TSHB: variants seen among roughly 807,000 people sequenced by gnomAD.
TSHB encodes the protein thyrotropin subunit beta.
A neutral mutation model predicts 9.3 loss-of-function variants in TSHB; 9 were observed. The observed-to-expected ratio is 0.97, with a 90% CI of 0.58 to 1.69. The LOEUF is 1.69. TSHB is among the 40% of genes most tolerant of loss of function. TSHB has a pLI of 0.00. For synonymous variants in TSHB, 57 were observed against 57.2 expected, an observed-to-expected ratio of 1.00 and a Z score of 0.01; for missense variants, 182 against 168.5, an observed-to-expected ratio of 1.08 and a Z score of -0.44.
At chr1:115,031,718 C>T (rs1347853227) in intron 1 of TSHB, among the ~76,000 whole-genome samples, 1 of 151,952 alleles carries the variant, frequency 6.6e-6, no homozygotes, top group Non-Finnish European at 1.5e-5. Context: ...CTCTAAAATA[C>T]TGGAAGCAAC....
At chr1:115,033,661 G>A (rs1252390243) in intron 2 of TSHB, 137 bp downstream of exon 2, 2 of 870,222 alleles carry the variant, frequency 2.3e-6, no homozygotes, top group Non-Finnish European at 3.8e-6. Context: ...TAGAAGCAGA[G>A]TACACAGGTT....
Position 115,030,287 on chromosome 1 carries a change from T to C in TSHB, c.-2+427T>C, listed in dbSNP as rs144761711. The stretch of plus-strand genomic sequence containing the variant: ...CATTTTTGAGTACCTGCTGGGGTAA[T>C]GTACTCTGTATTATAAGTTCTTTTT... On this transcript the variant is annotated intron_variant, in intron 1 of 2. Transcript: ENST00000256592. 6.2e-3 allele frequency among the ~76,000 whole-genome samples: 944 copies of C among 152,182 alleles called. 9 individuals carry two copies. The highest frequency in any genetic ancestry group is 0.021 in the African/African-American group (888 of 41,562).
chr1:115,030,959 A>C (rs3754367), intron 1 of TSHB, among the ~76,000 whole-genome samples: 66,356 of 151,742 alleles, frequency 0.44, 14,981 homozygotes, highest in Non-Finnish European at 0.5. Flanking sequence ...TCAGTTGCAC[A>C]CAATTACAAT....
chr1:115,030,993 T>A (rs757960671), intron 1 of TSHB, among the ~76,000 whole-genome samples: 4 of 127,850 alleles, frequency 3.1e-5, no homozygotes, highest in Non-Finnish European at 5.3e-5. Context: ...AGAATTTAGA[T>A]CACTAACTCT....
At chr1:115,030,829 A>G (rs1674879833) in intron 1 of TSHB, among the ~76,000 whole-genome samples, 1 of 152,034 alleles carries the variant, frequency 6.6e-6, no homozygotes, top group South Asian at 2.1e-4. Flanking sequence ...GTACAGTGTT[A>G]TACAGCTATG....
Position 115,033,388 on chromosome 1 carries a change from T to A in TSHB, c.26T>A (p.Met9Lys). 1 of 1,613,514 alleles carries A rather than the reference T, an allele frequency of 6.2e-7. No individual in the cohort carries two copies. Among genetic ancestry groups the A allele is most frequent in the Non-Finnish European group, 8.5e-7 (1 of 1,179,498 alleles). Reference protein sequence around the residue: MTALFLMSMLFGLTCGQAM... With the variant: MTALFLMSKLFGLTCGQAM... Reference sequence around the variant, plus strand: ...ATGACTGCTCTCTTTCTGATGTCCATGCTTTTTGGCCTTACATGTGGGCAA... The same window carrying A: ...ATGACTGCTCTCTTTCTGATGTCCAAGCTTTTTGGCCTTACATGTGGGCAA... Residue 9 changes from methionine (M) to lysine (K), a missense_variant, in exon 2 of 3, where the codon ATG (methionine) becomes AAG (lysine). Met to Lys is a moderately conservative substitution (Grantham distance 95). Transcript: ENST00000256592.
At chr1:115,033,300 C>A in intron 1 of TSHB, 62 bp from the exon 2 acceptor site, 1 of 1,522,198 alleles carries the variant, frequency 6.6e-7, no homozygotes, top group East Asian at 2.3e-5. Context: ...TATACTTTTT[C>A]TTGGTTTCTT....
intron 1 of TSHB, among the ~76,000 whole-genome samples, chr1:115,030,911 A>T (rs1674881566): frequency 6.6e-6 from 1 of 152,000 alleles, no homozygotes; most frequent in African/African-American, 2.4e-5. Context: ...TTAGGAAGGG[A>T]CATATGGAAA....
Position 115,033,416 on chromosome 1 carries a change from G to A in TSHB, c.54G>A (p.Ala18=), listed in dbSNP as rs188599368. Residue 18 remains alanine, a synonymous_variant, in exon 2 of 3, where the codon GCG becomes GCA. Coordinates refer to ENST00000256592, the MANE Select transcript of TSHB (RefSeq NM_000549.5). The part of the protein sequence containing the change: ...SMLFGLTCGQ[A]MSFCIPTEYT... Reference sequence around the variant, plus strand: ...TTTTTGGCCTTACATGTGGGCAAGCGATGTCTTTTTGTATTCCAACTGAGT... The same window carrying A: ...TTTTTGGCCTTACATGTGGGCAAGCAATGTCTTTTTGTATTCCAACTGAGT... 92 of 1,613,410 alleles carry A rather than the reference G, an allele frequency of 5.7e-5. 1 individual carries two copies. Among genetic ancestry groups the A allele is most frequent in the South Asian group, 4.4e-4 (40 of 91,070 alleles).
chr1:115,031,013 A>C (rs966115180), intron 1 of TSHB, among the ~76,000 whole-genome samples: 10 of 151,844 alleles, frequency 6.6e-5, no homozygotes, highest in African/African-American at 1.9e-4. Context: ...TTAATCAATC[A>C]ATCAGATCTG....
intron 1 of TSHB, among the ~76,000 whole-genome samples, 194 bp downstream of exon 1, chr1:115,030,054 G>T (rs1437521062): frequency 6.6e-6 from 1 of 152,008 alleles, no homozygotes. Context: ...CCTACATAAG[G>T]ATAAGGAAAA....
Position 115,034,027 on chromosome 1 carries a change from A to G in TSHB, c.217A>G (p.Thr73Ala). Residue 73 changes from threonine (T) to alanine (A), a missense_variant, in exon 3 of 3, where the codon ACA becomes GCA. Transcript: ENST00000256592. ...ATATGCTCTGTCCCAGGATGTTTGC[A>G]CATATAGAGACTTCATCTACAGGAC... ...PKYALSQDVC[T>A]YRDFIYRTVE... The G allele has an allele frequency of 1.2e-6, 2 of 1,613,810 alleles. No homozygotes were observed. Among genetic ancestry groups the G allele is most frequent in the Non-Finnish European group, 1.7e-6 (2 of 1,179,750 alleles).
chr1:115,033,249 T>C (rs955244432), intron 1 of TSHB, 113 bp from the exon 2 acceptor site: 1 of 961,182 alleles, frequency 1.0e-6, no homozygotes, highest in African/African-American at 1.6e-5. Flanking sequence ...GGTAGAATTA[T>C]AAGCATGATC....
intron 1 of TSHB, among the ~76,000 whole-genome samples, chr1:115,031,010 A>ATCAG (rs1674884024): frequency 6.6e-6 from 1 of 151,692 alleles, no homozygotes; most frequent in African/African-American, 2.4e-5. Flanking sequence ...CTCTTAATCA[A>ATCAG]TCAATCAGAT....
chr1:115,034,207 C>T lies in TSHB; in HGVS notation c.397C>T (p.Leu133=). The stretch of plus-strand genomic sequence containing the variant: ...CTGTACCAAACCTCAGAAGTCTTAT[C>T]TGGTAGGATTTTCTGTCTAATAGTG... ...NYCTKPQKSY[L]VGFSV Residue 133 remains leucine (L), a synonymous_variant, in exon 3 of 3, where the codon CTG becomes TTG. Coordinates refer to ENST00000256592, the MANE Select transcript of TSHB (RefSeq NM_000549.5). 6.2e-7 allele frequency: 1 copy of T among 1,613,746 alleles called. No individual in the cohort carries two copies. The highest frequency in any genetic ancestry group is 8.5e-7 in the Non-Finnish European group (1 of 1,179,738).
chr1:115,034,129 A>G lies in TSHB; in HGVS notation c.319A>G (p.Lys107Glu). The G allele has an allele frequency of 6.2e-7, 1 of 1,613,856 alleles. No individual in the cohort carries two copies. Among genetic ancestry groups the G allele is most frequent in the Non-Finnish European group, 8.5e-7 (1 of 1,179,814 alleles). Residue 107 changes from lysine to glutamate, a missense_variant, in exon 3 of 3, where the codon AAG (lysine) becomes GAG (glutamate). Transcript: ENST00000256592. ...YPVALSCKCG[K>E]CNTDYSDCIH... ...TGTTGCTTTAAGCTGTAAGTGTGGC[A>G]AGTGCAATACTGACTATAGTGACTG... is the stretch of plus-strand genomic sequence containing the variant.
Position 115,033,827 on chromosome 1 carries a change from T to C in TSHB, c.163-146T>C, listed in dbSNP as rs182302943. On this transcript the variant is annotated intron_variant, in intron 2 of 2. Coordinates refer to ENST00000256592, the MANE Select transcript of TSHB (RefSeq NM_000549.5). ...CTCTGTAGAATTCAACGTGGTTAAG[T>C]TGGTATTGGAGAATGGGGCTAAGCA... The C allele has an allele frequency of 3.3e-5, 38 of 1,146,198 alleles. No homozygotes were observed. In the Admixed American group the frequency reaches 7.1e-4, roughly 21 times the overall value. 71.0% of individuals were successfully genotyped at this position (1,146,198 alleles called of 1,614,324 possible).
chr1:115,030,663 C>A (rs1674876716), intron 1 of TSHB, among the ~76,000 whole-genome samples: 1 of 151,982 alleles, frequency 6.6e-6, no homozygotes, highest in Non-Finnish European at 1.5e-5. Context: ...ATTATTTAGG[C>A]CCTGCCTGAA....
rs1469905326 is a variant in TSHB, at chr1:115,034,009, C to T, written c.199C>T (p.Leu67=). The change falls in exon 3 of 3, where the codon CTG becomes TTG. Residue 67 remains leucine, a synonymous_variant. Coordinates refer to ENST00000256592, the MANE Select transcript of TSHB (RefSeq NM_000549.5). The part of the protein sequence containing the change: ...NGKLFLPKYA[L]SQDVCTYRDF... ...CAAACTGTTTCTTCCCAAATATGCT[C>T]TGTCCCAGGATGTTTGCACATATAG... 6.2e-7 allele frequency: 1 copy of T among 1,613,778 alleles called. No homozygotes were observed. Among genetic ancestry groups the T allele is most frequent in the Non-Finnish European group, 8.5e-7 (1 of 1,179,736 alleles).
Sources: gnomAD v4.1 joint callset for allele counts (sites outside exome capture counted in the v4.1 genomes callset) on GRCh38, gnomAD v4.1.1 for gene constraint, MANE v1.5 for transcripts, NCBI Gene and HGNC (gene_info 2026-07-23, HGNC 2026-07-21) for gene names.